The following OTOP3 variants were observed in gnomAD, a reference collection of about 807,000 sequenced individuals.
OTOP3 encodes otopetrin 3.
In OTOP3, 41 loss-of-function variants were observed where a neutral mutation model predicts 50.8. The ratio of observed to expected loss-of-function variants is 0.81; its 90% CI spans 0.63 to 1.05. OTOP3 has a LOEUF of 1.05. OTOP3 is among the 50% of genes least tolerant of loss of function. OTOP3 has a pLI of 0.00. For synonymous variants in OTOP3, 320 were observed against 324.4 expected (o/e 0.99, Z 0.14); for missense variants, 788 against 760.8 (o/e 1.04, Z -0.42).
intron 4 of OTOP3, 65 bp downstream of exon 4, chr17:74,943,409 G>C: frequency 1.9e-6 from 3 of 1,556,346 alleles, no homozygotes; most frequent in East Asian, 2.2e-5. Flanking sequence ...CCCTGGTCAG[G>C]GTGGCCGCGG....
In OTOP3 at chr17:74,947,231, T is replaced by C. The variant is rs1249329758; in HGVS notation, c.1322T>C (p.Leu441Pro). 6.2e-7 allele frequency: 1 copy of C among 1,613,884 alleles called. No individual in the cohort carries two copies. The highest frequency in any genetic ancestry group is 1.3e-5 in the African/African-American group (1 of 74,956). The change falls in exon 6 of 7, where the codon CTG (leucine) becomes CCG (proline). Residue 441 changes from leucine (L) to proline (P), a missense_variant. Physicochemically the swap from Leu to Pro is moderately conservative, Grantham distance 98. Coordinates refer to ENST00000328801, the MANE Select transcript of OTOP3 (RefSeq NM_001272005.2). Reference protein sequence around the residue: ...LILAYSLLLILQHIAQNLFII... With the variant: ...LILAYSLLLIPQHIAQNLFII... Reference sequence around the variant, plus strand: ...CTGGCCTACTCGCTGCTGCTCATCCTGCAGCACATCGCTCAGAACCTCTTC... The same window carrying C: ...CTGGCCTACTCGCTGCTGCTCATCCCGCAGCACATCGCTCAGAACCTCTTC...
rs2039240575 is a variant in OTOP3, at chr17:74,947,419, T to C, written c.1510T>C (p.Trp504Arg). 9 of 1,612,208 alleles carry C rather than the reference T, an allele frequency of 5.6e-6. No individual in the cohort carries two copies. The highest frequency in any genetic ancestry group is 5.1e-6 in the Non-Finnish European group (6 of 1,179,492). ...CATCCACTCCTACAGCCACCTCAAC[T>C]GGAAGCGGAGGGCACTCAAGGAGAT... ...AYIHSYSHLN[W>R]KRRALKEISL... The change falls in exon 6 of 7, where the codon TGG (tryptophan) becomes CGG (arginine). Residue 504 changes from tryptophan (W) to arginine (R), a missense_variant. Transcript: ENST00000328801.
chr17:74,940,316 T>C (rs2039159324), intron 1 of OTOP3, among the ~76,000 whole-genome samples: 1 of 151,910 alleles, frequency 6.6e-6, no homozygotes, highest in Non-Finnish European at 1.5e-5. Flanking sequence ...CTAAAATTAC[T>C]CTTAATTACA....
rs1377514666 is a variant in OTOP3, at chr17:74,949,375, C to T, written c.1696C>T (p.His566Tyr). The change falls in exon 7 of 7, where the codon CAC (histidine) becomes TAC (tyrosine). Residue 566 changes from histidine (H) to tyrosine (Y), a missense_variant. Physicochemically the swap from His to Tyr is moderately conservative, Grantham distance 83 (BLOSUM62 2). Coordinates refer to ENST00000328801, the MANE Select transcript of OTOP3 (RefSeq NM_001272005.2). ...GCCTCTGGGGGTCTTCTACCGCATGCACTCTGTGGGAGGCCTGGTGGAGGT... is the reference window on the plus strand; with the variant it reads ...GCCTCTGGGGGTCTTCTACCGCATGTACTCTGTGGGAGGCCTGGTGGAGGT... ...GLPLGVFYRMHSVGGLVEVYL... is the reference protein window; with the variant it reads ...GLPLGVFYRMYSVGGLVEVYL... 1 of 1,613,850 alleles carries T rather than the reference C, an allele frequency of 6.2e-7. No homozygotes were observed. The highest frequency in any genetic ancestry group is 1.7e-5 in the Admixed American group (1 of 60,014).
chr17:74,946,268 G>A (rs1025186964), intron 5 of OTOP3, among the ~76,000 whole-genome samples: 7 of 152,086 alleles, frequency 4.6e-5, no homozygotes, highest in African/African-American at 1.4e-4. Flanking sequence ...ATGAACCACC[G>A]CACCTGGCCA....
chr17:74,936,960 C>CTTT lies in OTOP3; in HGVS notation c.19+1020_19+1021insTTT, dbSNP rs1173007266. On this transcript the variant is annotated intron_variant, in intron 1 of 6. Transcript: ENST00000328801. ...TATTCGGCATTCATCACCCCCCCACCCTTTTTTTTTTTTTTTTTTTGAGAC... is the reference window on the plus strand; with the variant it reads ...TATTCGGCATTCATCACCCCCCCACCTTTCTTTTTTTTTTTTTTTTTTTGAGAC... Among the ~76,000 whole-genome samples, 17 of 39,446 alleles carry CTTT rather than the reference C, an allele frequency of 4.3e-4. 1 individual carries two copies. The highest frequency in any genetic ancestry group is 8.8e-4 in the African/African-American group (10 of 11,334). The allele number at this position is 39,446 out of a possible 152,430, so 25.9% of individuals were successfully genotyped here. A position where few individuals can be genotyped will look rare whatever the true frequency, so the allele number is the denominator to read the frequency against.
chr17:74,948,074 T>C (rs913169005), intron 6 of OTOP3, among the ~76,000 whole-genome samples: 5 of 152,110 alleles, frequency 3.3e-5, no homozygotes, highest in African/African-American at 1.2e-4. Flanking sequence ...AAACCTCTGG[T>C]CCAGGCAGAG....
In OTOP3 at chr17:74,943,336, C is replaced by A; in HGVS notation, c.624C>A (p.Asn208Lys). 6.2e-7 allele frequency: 1 copy of A among 1,614,064 alleles called. No homozygotes were observed. The highest frequency in any genetic ancestry group is 1.1e-5 in the South Asian group (1 of 91,084). ...AAGACTGTGTTCGGGTCCAGACCAA[C>A]TTCACTAGGTAAGACTTCTCTCCCT... ...HCKDCVRVQT[N>K]FTRCGLMLTL... Residue 208 changes from asparagine (N) to lysine (K), a missense_variant, in exon 4 of 7, where the codon AAC (asparagine) becomes AAA (lysine). By Grantham distance (94) the Asn-to-Lys change is moderately conservative. Coordinates refer to ENST00000328801, the MANE Select transcript of OTOP3 (RefSeq NM_001272005.2).
Position 74,947,301 on chromosome 17 carries a change from C to T in OTOP3, c.1392C>T (p.Pro464=), listed in dbSNP as rs766542684. ...LHRRPLWETV[P]EGLAGKQEAE... ...GGCGCCCACTCTGGGAGACAGTTCCCGAGGGCCTGGCAGGAAAGCAGGAGG... is the reference window on the plus strand; with the variant it reads ...GGCGCCCACTCTGGGAGACAGTTCCTGAGGGCCTGGCAGGAAAGCAGGAGG... The change falls in exon 6 of 7, where the codon CCC becomes CCT. Residue 464 remains proline (P), a synonymous_variant. Transcript: ENST00000328801. 1.5e-5 allele frequency: 25 copies of T among 1,613,330 alleles called. No homozygotes were observed. Among genetic ancestry groups the T allele is most frequent in the South Asian group, 1.2e-4 (11 of 91,070 alleles).
At chr17:74,946,241 G>C (rs547473714) in intron 5 of OTOP3, among the ~76,000 whole-genome samples, 1 of 152,162 alleles carries the variant, frequency 6.6e-6, no homozygotes, top group African/African-American at 2.4e-5. Context: ...GCCTCCCAAA[G>C]TGTTGGGATT....
intron 1 of OTOP3, 95 bp downstream of exon 1, chr17:74,936,035 G>A (rs1328202220): frequency 1.3e-6 from 2 of 1,507,286 alleles, no homozygotes; most frequent in Non-Finnish European, 1.8e-6. Context: ...TCACAAGTAG[G>A]GGCTGCAGGG....
chr17:74,944,142 T>C (rs375276854), intron 5 of OTOP3, among the ~76,000 whole-genome samples: 5 of 152,106 alleles, frequency 3.3e-5, no homozygotes, highest in African/African-American at 1.2e-4. Flanking sequence ...ACGGAAGATA[T>C]CTGGACAGAA....
chr17:74,948,937 G>A (rs1020978483), intron 6 of OTOP3, among the ~76,000 whole-genome samples: 4 of 152,230 alleles, frequency 2.6e-5, no homozygotes, highest in Admixed American at 2.6e-4. Flanking sequence ...AGAGCAGGTG[G>A]CGCGCTGGGA....
At chr17:74,942,098 A>G in intron 3 of OTOP3, 61 bp downstream of exon 3, 1 of 1,539,754 alleles carries the variant, frequency 6.5e-7, no homozygotes, top group East Asian at 2.3e-5. Flanking sequence ...CATGCCATGC[A>G]CACACCTCCC....
chr17:74,947,609 T>G, intron 6 of OTOP3, 134 bp downstream of exon 6: 2 of 894,370 alleles, frequency 2.2e-6, no homozygotes, highest in Non-Finnish European at 3.3e-6. Flanking sequence ...GTCCCCCCAG[T>G]TCCCTACAGG....
intron 4 of OTOP3, 123 bp downstream of exon 4, chr17:74,943,467 T>A: frequency 7.4e-7 from 1 of 1,355,276 alleles, no homozygotes; most frequent in Non-Finnish European, 1.1e-6. Flanking sequence ...CAGGGCTGCC[T>A]CTTGTGTCCT....
chr17:74,937,213 C>T (rs561809412), intron 1 of OTOP3, among the ~76,000 whole-genome samples: 3 of 152,298 alleles, frequency 2.0e-5, no homozygotes, highest in South Asian at 2.1e-4. Flanking sequence ...GATCCGCTCA[C>T]CTCAGCCTCC....
chr17:74,948,152 G>A (rs897426566), intron 6 of OTOP3, among the ~76,000 whole-genome samples: 1 of 152,178 alleles, frequency 6.6e-6, no homozygotes. Flanking sequence ...GCCAAGGAAG[G>A]CTTCATGAAG....
At chr17:74,937,829 G>A (rs2039133812) in intron 1 of OTOP3, among the ~76,000 whole-genome samples, 1 of 152,134 alleles carries the variant, frequency 6.6e-6, no homozygotes, top group South Asian at 2.1e-4. Context: ...CACCAAACAG[G>A]GCACACCTCT....
Sources: allele counts gnomAD v4.1 joint callset (sites outside exome capture counted in the v4.1 genomes callset), GRCh38; gene constraint gnomAD v4.1.1; transcripts MANE v1.5; gene names NCBI Gene and HGNC (gene_info 2026-07-23, HGNC 2026-07-21).